The following STUM variants were observed in gnomAD, a reference collection of about 807,000 sequenced individuals.
The protein encoded by STUM is protein stum homolog.
In STUM, 8 loss-of-function variants were observed where a neutral mutation model predicts 15.3. That is an observed-to-expected ratio of 0.52 (90% CI 0.31 to 0.94). The LOEUF is 0.94. Ranked by LOEUF, STUM falls within the 40% of genes least tolerant of loss-of-function variation. The pLI, the probability that STUM is intolerant of heterozygous loss-of-function variation, is 0.05. For synonymous variants in STUM, 78 were observed against 88.7 expected, an observed-to-expected ratio of 0.88 and a Z score of 0.68; for missense variants, 142 against 204.9, an observed-to-expected ratio of 0.69 and a Z score of 1.87.
chr1:226,555,166 C>A (rs778148609), intron 1 of STUM, among the ~76,000 whole-genome samples: 1 of 152,180 alleles, frequency 6.6e-6, no homozygotes, highest in East Asian at 1.9e-4. Context: ...TTAGAGCTCC[C>A]CAGGGCACTT....
intron 1 of STUM, among the ~76,000 whole-genome samples, chr1:226,577,690 G>T (rs910056516): frequency 6.6e-6 from 1 of 152,220 alleles, no homozygotes; most frequent in South Asian, 2.1e-4. Context: ...GAAAGGGAGG[G>T]GGGGCCAGCA....
At chr1:226,597,004 C>T in intron 2 of STUM, 23 bp downstream of exon 2, 1 of 1,612,178 alleles carries the variant, frequency 6.2e-7, no homozygotes, top group Non-Finnish European at 8.5e-7. Context: ...TGGTGCTGCG[C>T]CTCCTGGGGG....
intron 1 of STUM, among the ~76,000 whole-genome samples, chr1:226,578,165 TGC>T (rs1313825340): frequency 1.3e-5 from 2 of 152,174 alleles, no homozygotes; most frequent in African/African-American, 4.8e-5. Flanking sequence ...TGCTTCTGTG[TGC>T]TTTCTCAAAA....
At chr1:226,579,634 C>CTT (rs1667886967) in intron 1 of STUM, among the ~76,000 whole-genome samples, 1 of 143,122 alleles carries the variant, frequency 7.0e-6, no homozygotes, top group African/African-American at 2.6e-5. Flanking sequence ...ATTTCTTTTT[C>CTT]TTTTTCTTTT....
chr1:226,557,923 C>T (rs1391605124), intron 1 of STUM, among the ~76,000 whole-genome samples: 1 of 152,138 alleles, frequency 6.6e-6, no homozygotes, highest in Non-Finnish European at 1.5e-5. Flanking sequence ...AAGCATTTGA[C>T]AAAATTCAAC....
At chr1:226,568,667 C>T (rs781775261) in intron 1 of STUM, among the ~76,000 whole-genome samples, 2 of 152,252 alleles carry the variant, frequency 1.3e-5, no homozygotes, top group Non-Finnish European at 2.9e-5. Flanking sequence ...CCTGCTGCCC[C>T]CTCTGGCAGC....
At chr1:226,574,370 CA>C (rs1367339785) in intron 1 of STUM, among the ~76,000 whole-genome samples, 1 of 152,206 alleles carries the variant, frequency 6.6e-6, no homozygotes, top group Non-Finnish European at 1.5e-5. Flanking sequence ...TTTCACTTAG[CA>C]TAATGTTTTC....
Position 226,600,626 on chromosome 1 carries a change from T to A in STUM, c.383-40T>A. On this transcript the variant is annotated intron_variant, in intron 2 of 3. Transcript: ENST00000366788. This position sits in a 1 kb window ranked among gnomAD's most constrained non-coding sequence, Gnocchi z 5.2. ...GCTGTGTTTTCTCTTCTTCTCTCTC[T>A]CCTCTTCCTCCTGCTGCCTCCCACT... The A allele has an allele frequency of 3.1e-6, 5 of 1,609,820 alleles. No homozygotes were observed. Among genetic ancestry groups the A allele is most frequent in the Non-Finnish European group, 4.2e-6 (5 of 1,179,676 alleles).
chr1:226,596,486 C>G (rs921855784), intron 1 of STUM, among the ~76,000 whole-genome samples: 1 of 152,196 alleles, frequency 6.6e-6, no homozygotes, highest in Non-Finnish European at 1.5e-5. Context: ...AAGTGGCTTC[C>G]TGATTGCTCC....
chr1:226,587,691 C>A (rs1668018721), intron 1 of STUM, among the ~76,000 whole-genome samples: 1 of 152,116 alleles, frequency 6.6e-6, no homozygotes, highest in African/African-American at 2.4e-5. Context: ...GCAGCTGAGG[C>A]TAAGGGAGAA....
chr1:226,576,696 A>G (rs1287407886), intron 1 of STUM, among the ~76,000 whole-genome samples: 1 of 152,066 alleles, frequency 6.6e-6, no homozygotes, highest in Non-Finnish European at 1.5e-5. Context: ...CATCTTCCCA[A>G]ACGGAAACTC....
chr1:226,577,388 A>G (rs1667834548), intron 1 of STUM, among the ~76,000 whole-genome samples: 1 of 152,176 alleles, frequency 6.6e-6, no homozygotes, highest in Admixed American at 6.5e-5. Flanking sequence ...AATCTAGTAC[A>G]GCTCGAGACC....
intron 1 of STUM, among the ~76,000 whole-genome samples, chr1:226,587,869 G>T (rs184872769): frequency 0.023 from 3,475 of 152,190 alleles, 149 homozygotes; most frequent in African/African-American, 0.079. Flanking sequence ...ACTGGGAACT[G>T]CCGATAGCAG....
chr1:226,608,814 C>G lies in STUM; in HGVS notation c.*6774C>G, dbSNP rs951113404. 6.6e-6 allele frequency: 1 copy of G among 152,308 alleles called. No individual in the cohort carries two copies. Among genetic ancestry groups the G allele is most frequent in the African/African-American group, 2.4e-5 (1 of 41,430 alleles). The allele number at this position is 152,308 out of a possible 1,614,324, so 9.4% of individuals were successfully genotyped here. A position where few individuals can be genotyped will look rare whatever the true frequency, so the allele number is the denominator to read the frequency against. On this transcript the variant is annotated 3_prime_UTR_variant, in exon 4 of 4. Transcript: ENST00000366788. This position sits in a 1 kb window ranked among gnomAD's most constrained non-coding sequence, Gnocchi z 4.0. ...TGGCCGGAACCCTGCAGCCTGGGGC[C>G]CCAGCCCGCCTGCAGCTCAGCTTTC...
intron 2 of STUM, among the ~76,000 whole-genome samples, chr1:226,597,898 C>A (rs1359232685): frequency 1.3e-5 from 2 of 152,218 alleles, no homozygotes; most frequent in African/African-American, 4.8e-5. Context: ...ATGCTGGCTA[C>A]TGGGGCAGCC....
At chr1:226,601,288 A>G (rs1668258821) in intron 3 of STUM, among the ~76,000 whole-genome samples, 1 of 152,026 alleles carries the variant, frequency 6.6e-6, no homozygotes, top group South Asian at 2.1e-4. Context: ...CTCCACGCCC[A>G]GTTAATTTTT....
At chr1:226,591,702 A>G (rs1668087919) in intron 1 of STUM, among the ~76,000 whole-genome samples, 1 of 152,226 alleles carries the variant, frequency 6.6e-6, no homozygotes, top group South Asian at 2.1e-4. Flanking sequence ...GAGTTCAAGG[A>G]CAAAGTTTCC....
chr1:226,584,179 A>T (rs1418299645), intron 1 of STUM, among the ~76,000 whole-genome samples: 1 of 152,150 alleles, frequency 6.6e-6, no homozygotes, highest in East Asian at 1.9e-4. Context: ...ATCTTTACTC[A>T]CATGTCTGGT....
intron 1 of STUM, among the ~76,000 whole-genome samples, chr1:226,558,333 G>T (rs147026849): frequency 6.6e-6 from 1 of 152,278 alleles, no homozygotes; most frequent in East Asian, 1.9e-4. Context: ...AATCCCCTTT[G>T]TTCCCAGGAT....
Sources: gnomAD v4.1 joint callset for allele counts (sites outside exome capture counted in the v4.1 genomes callset) on GRCh38, gnomAD v4.1.1 for gene constraint, Gnocchi (gnomAD v3.1) non-coding constraint, MANE v1.5 for transcripts, NCBI Gene and HGNC (gene_info 2026-07-23, HGNC 2026-07-21) for gene names.